SACS: variants seen among roughly 807,000 people sequenced by gnomAD.
SACS encodes the protein sacsin.
SACS carries 197 observed loss-of-function variants against 348.0 expected under a neutral mutation model. That is an observed-to-expected ratio of 0.57 (90% CI 0.50 to 0.64). SACS has a LOEUF of 0.64. Among genes scored for constraint, SACS ranks in the 30% least tolerant of loss-of-function variants. The pLI is 0.00. For missense variants in SACS, 4,999 were observed against 5,360.8 expected (o/e 0.93, Z 2.11); for synonymous variants, 1,985 against 1,910.6 (o/e 1.04, Z -1.02).
rs1883334416 is a variant in SACS at position 23,329,520 on chromosome 13, A to C, written c.*616T>G. 1 of 713,722 alleles carries C rather than the reference A, an allele frequency of 1.4e-6. No homozygotes were observed. The highest frequency in any genetic ancestry group is 2.6e-5 in the East Asian group (1 of 38,730). The allele number at this position is 713,722 out of a possible 1,614,324, so 44.2% of individuals were successfully genotyped here. A position where few individuals can be genotyped will look rare whatever the true frequency, so the allele number is the denominator to read the frequency against. The stretch of plus-strand genomic sequence containing the variant: ...AAGATGTTAAAAAAAAATTTAAATA[A>C]AGATGTAAAGTGCACTCAGTGCACT... On this transcript the variant is annotated 3_prime_UTR_variant, in exon 10 of 10. Transcript: ENST00000382292.
At position 23,334,113 on chromosome 13, in the gene SACS, C is replaced by G. The variant is rs1163408793; in HGVS notation, c.9763G>C (p.Val3255Leu). Residue 3255 changes from valine (V) to leucine (L), a missense_variant, in exon 10 of 10, where the codon GTA (valine) becomes CTA (leucine). By Grantham distance (32) the Val-to-Leu change is conservative. Around this residue, in one of 6 missense-constraint regions of SACS, gnomAD observed 734 missense variants for 694.0 expected, o/e 1.06. Coordinates refer to ENST00000382292, the MANE Select transcript of SACS (RefSeq NM_014363.6). Reference protein sequence around the residue: ...KNAWHFISESVSVKEDQEETK... With the variant: ...KNAWHFISESLSVKEDQEETK... Reference sequence around the variant, plus strand: ...TCTTCCTGATCTTCTTTCACACTTACAGATTCACTAATAAAATGCCATGCA... The same window carrying G: ...TCTTCCTGATCTTCTTTCACACTTAGAGATTCACTAATAAAATGCCATGCA... 3.1e-6 allele frequency: 5 copies of G among 1,613,808 alleles called. No homozygotes were observed. Among genetic ancestry groups the G allele is most frequent in the Non-Finnish European group, 4.2e-6 (5 of 1,179,792 alleles).
chr13:23,410,761 A>G (rs1873447857), intron 2 of SACS, among the ~76,000 whole-genome samples: 1 of 152,186 alleles, frequency 6.6e-6, no homozygotes, highest in Non-Finnish European at 1.5e-5. Flanking sequence ...TTTGAGAAAA[A>G]GAGCAAGCAT....
intron 1 of SACS, among the ~76,000 whole-genome samples, chr13:23,415,098 C>G (rs1467659889): frequency 6.6e-6 from 1 of 152,098 alleles, no homozygotes; most frequent in Non-Finnish European, 1.5e-5. Flanking sequence ...GTGGCACTAT[C>G]TTGGCTCACT....
Position 23,338,580 on chromosome 13 carries a change from C to T in SACS, c.5296G>A (p.Glu1766Lys). The T allele has an allele frequency of 6.2e-7, 1 of 1,614,056 alleles. No individual in the cohort carries two copies. Among genetic ancestry groups the T allele is most frequent in the Non-Finnish European group, 8.5e-7 (1 of 1,179,976 alleles). ...SSCILQITVE[E>K]FHHVFRRIAD... ...ATCCTTCTGAACACATGGTGAAATT[C>T]TTCCACTGTGATCTGAAGAATGCAA... The change falls in exon 10 of 10, where the codon GAA (glutamate) becomes AAA (lysine). Residue 1766 changes from glutamate to lysine, a missense_variant. Glu to Lys is a moderately conservative substitution (Grantham distance 56). This residue lies in a region of SACS where 3,156 missense variants were observed against 3,380.1 expected (regional missense o/e 0.93). Coordinates refer to ENST00000382292, the MANE Select transcript of SACS (RefSeq NM_014363.6).
Position 23,331,211 on chromosome 13 carries a change from C to T in SACS, c.12665G>A (p.Gly4222Glu), listed in dbSNP as rs774349752. Residue 4222 changes from glycine to glutamate, a missense_variant, in exon 10 of 10, where the codon GGA becomes GAA. This residue lies in a region of SACS where 831 missense variants were observed against 941.8 expected (regional missense o/e 0.88). Transcript: ENST00000382292. ...ACCAATATCTATCTGATATATCTTTCCTAGAAAACTAGAATTGTCAGCATC... is the reference window on the plus strand; with the variant it reads ...ACCAATATCTATCTGATATATCTTTTCTAGAAAACTAGAATTGTCAGCATC... The part of the protein sequence containing the change: ...REDADNSSFL[G>E]KIYQIDIGYS... 1.5e-5 allele frequency: 25 copies of T among 1,613,626 alleles called. No individual in the cohort carries two copies. The highest frequency in any genetic ancestry group is 2.7e-5 in the African/African-American group (2 of 74,866).
intron 2 of SACS, among the ~76,000 whole-genome samples, chr13:23,398,314 C>A (rs1466271716): frequency 6.6e-6 from 1 of 152,008 alleles, no homozygotes; most frequent in Non-Finnish European, 1.5e-5. Context: ...GGGCAGATCA[C>A]CTGAGGTCAG....
In SACS at chr13:23,333,014, A is replaced by G. The variant is rs1397997962; in HGVS notation, c.10862T>C (p.Leu3621Ser). 1 of 1,613,870 alleles carries G rather than the reference A, an allele frequency of 6.2e-7. No homozygotes were observed. Among genetic ancestry groups the G allele is most frequent in the Non-Finnish European group, 8.5e-7 (1 of 1,179,944 alleles). Residue 3621 changes from leucine to serine, a missense_variant, in exon 10 of 10, where the codon TTG becomes TCG. This residue lies in a region of SACS where 831 missense variants were observed against 941.8 expected (regional missense o/e 0.88). Transcript: ENST00000382292. ...CAGAAGGATATCAACTGTATTTTGC[A>G]ATGTTTCTTTGGACCAGTTTTCTGT... ...ANTENWSKETLQNTVDILLHH... is the reference protein window; with the variant it reads ...ANTENWSKETSQNTVDILLHH...
chr13:23,338,858 A>G lies in SACS; in HGVS notation c.5018T>C (p.Val1673Ala), dbSNP rs1399668983. 1.9e-6 allele frequency: 3 copies of G among 1,612,942 alleles called. No individual in the cohort carries two copies. Among genetic ancestry groups the G allele is most frequent in the Non-Finnish European group, 2.5e-6 (3 of 1,179,796 alleles). Residue 1673 changes from valine (V) to alanine (A), a missense_variant, in exon 10 of 10, where the codon GTG becomes GCG. Coordinates refer to ENST00000382292, the MANE Select transcript of SACS (RefSeq NM_014363.6). ...CYNTADIYSLVDEFSLCGHRL... is the reference protein window; with the variant it reads ...CYNTADIYSLADEFSLCGHRL... Reference sequence around the variant, plus strand: ...GTGTCCACAGAGACTAAATTCATCCACAAGAGAATAAATATCTGCTGTATT... The same window carrying G: ...GTGTCCACAGAGACTAAATTCATCCGCAAGAGAATAAATATCTGCTGTATT...
Position 23,339,464 on chromosome 13 carries a change from T to C in SACS, c.4412A>G (p.Tyr1471Cys). The C allele has an allele frequency of 6.2e-7, 1 of 1,606,358 alleles. No homozygotes were observed. The highest frequency in any genetic ancestry group is 1.7e-5 in the Admixed American group (1 of 59,054). Reference sequence around the variant, plus strand: ...TTTAAAAATATCTGACACTGAAGGGTATTCTTCCAGAATATTTTTAATTCT... The same window carrying C: ...TTTAAAAATATCTGACACTGAAGGGCATTCTTCCAGAATATTTTTAATTCT... Reference protein sequence around the residue: ...TVRIKNILEEYPSVSDIFKEL... With the variant: ...TVRIKNILEECPSVSDIFKEL... The change falls in exon 10 of 10, where the codon TAC becomes TGC. Residue 1471 changes from tyrosine to cysteine, a missense_variant. Physicochemically the swap from Tyr to Cys is radical, Grantham distance 194. Coordinates refer to ENST00000382292, the MANE Select transcript of SACS (RefSeq NM_014363.6).
rs774321536 is a variant in SACS at position 23,329,394 on chromosome 13, G to T, written c.*742C>A. 4.0e-5 allele frequency: 30 copies of T among 751,824 alleles called. No individual in the cohort carries two copies. The highest frequency in any genetic ancestry group is 7.1e-5 in the Non-Finnish European group (29 of 408,484). 46.6% of individuals were successfully genotyped at this position (751,824 alleles called of 1,614,324 possible). A position where few individuals can be genotyped will look rare whatever the true frequency, so the allele number is the denominator to read the frequency against. ...CTAACAGTTAATAAATGTTGTCTTG[G>T]CAAGCAGTTTCCAGAAACAATACTA... On this transcript the variant is annotated 3_prime_UTR_variant, in exon 10 of 10. Transcript: ENST00000382292.
At chr13:23,353,362 TG>T (rs926377503) in intron 9 of SACS, among the ~76,000 whole-genome samples, 4 of 152,202 alleles carry the variant, frequency 2.6e-5, no homozygotes, top group African/African-American at 9.7e-5. Flanking sequence ...ACAGGGCAAG[TG>T]GAAGACCTGA....
rs118145558 is a variant in SACS at position 23,392,167 on chromosome 13, A to G, written c.21-16898T>C. Among the ~76,000 whole-genome samples the G allele has an allele frequency of 3.3e-5, 5 of 152,264 alleles. No homozygotes were observed. In the East Asian group the frequency reaches 9.6e-4, roughly 29 times the overall value. On this transcript the variant is annotated intron_variant, in intron 2 of 9. Transcript: ENST00000382292. Reference sequence around the variant, plus strand: ...GTTGCCTTTTGATGACTCTTTTCCTAAAGATACTGTGTGGTACTCATCAGG... The same window carrying G: ...GTTGCCTTTTGATGACTCTTTTCCTGAAGATACTGTGTGGTACTCATCAGG...
intron 1 of SACS, among the ~76,000 whole-genome samples, chr13:23,412,985 T>C (rs138170104): frequency 3.9e-5 from 6 of 152,306 alleles, no homozygotes; most frequent in African/African-American, 1.4e-4. Context: ...AAACTTTTTT[T>C]TTGTTTTTTG....
intron 2 of SACS, among the ~76,000 whole-genome samples, chr13:23,405,881 G>T (rs1337560286): frequency 6.6e-6 from 1 of 152,140 alleles, no homozygotes; most frequent in Non-Finnish European, 1.5e-5. Flanking sequence ...TAAAAAGTCA[G>T]GAAACAACAG....
rs537725928 is a variant in SACS, at chr13:23,331,041, G to C, written c.12835C>G (p.Leu4279Val). 38 of 1,614,014 alleles carry C rather than the reference G, an allele frequency of 2.4e-5. No homozygotes were observed. The South Asian group carries it at 3.4e-4, about 14-fold the overall frequency. Residue 4279 changes from leucine (L) to valine (V), a missense_variant, in exon 10 of 10, where the codon CTT becomes GTT. By Grantham distance (32) the Leu-to-Val change is conservative. Around this residue, in one of 6 missense-constraint regions of SACS, gnomAD observed 831 missense variants for 941.8 expected, o/e 0.88. Coordinates refer to ENST00000382292, the MANE Select transcript of SACS (RefSeq NM_014363.6). ...LTPGLRSIPP[L>V]FSGRESHKTS... Reference sequence around the variant, plus strand: ...TTGTGGCTCTCTCTACCAGAGAAAAGAGGAGGAATGCTTCTCAGGCCAGGG... The same window carrying C: ...TTGTGGCTCTCTCTACCAGAGAAAACAGGAGGAATGCTTCTCAGGCCAGGG...
In SACS at chr13:23,336,673, A is replaced by G. The variant is rs1400244997; in HGVS notation, c.7203T>C (p.Ala2401=). 4.3e-6 allele frequency: 7 copies of G among 1,613,792 alleles called. No individual in the cohort carries two copies. The highest frequency in any genetic ancestry group is 2.2e-5 in the East Asian group (1 of 44,886). ...CTTGATCAATAGATTCCAAAACAAG[A>G]GCAAAATCTTCAACAGTGCATGACT... is the stretch of plus-strand genomic sequence containing the variant. ...VRQSCTVEDF[A]LVLESIDQER... is the part of the protein sequence containing the mutation. Residue 2401 remains alanine, a synonymous_variant, in exon 10 of 10, where the codon GCT becomes GCC. Transcript: ENST00000382292.
In SACS at chr13:23,333,799, T is replaced by C; in HGVS notation, c.10077A>G (p.Thr3359=). ...SCHTANIESP[T]SILKALHYMV... ...TATAATGTAGAGCCTTCAAGATGCT[T>C]GTGGGGCTCTCTATATTTGCTGTGT... The change falls in exon 10 of 10, where the codon ACA becomes ACG. Residue 3359 remains threonine, a synonymous_variant. Coordinates refer to ENST00000382292, the MANE Select transcript of SACS (RefSeq NM_014363.6). 6.2e-7 allele frequency: 1 copy of C among 1,613,866 alleles called. No homozygotes were observed. The highest frequency in any genetic ancestry group is 8.5e-7 in the Non-Finnish European group (1 of 1,179,830).
At chr13:23,345,541 A>T (rs1469044419) in intron 9 of SACS, among the ~76,000 whole-genome samples, 1 of 152,198 alleles carries the variant, frequency 6.6e-6, no homozygotes, top group African/African-American at 2.4e-5. Context: ...ATGTAACCAG[A>T]CAGTACCAGG....
chr13:23,421,693 G>A (rs1873948068), intron 1 of SACS, among the ~76,000 whole-genome samples: 1 of 151,444 alleles, frequency 6.6e-6, no homozygotes, highest in African/African-American at 2.4e-5. Flanking sequence ...GGGGACTGAT[G>A]TCCACATGGG....
Sources: gnomAD v4.1 joint callset for allele counts (sites outside exome capture counted in the v4.1 genomes callset) on GRCh38, gnomAD v4.1.1 for gene constraint, gnomAD v4.1.1 regional missense constraint, MANE v1.5 for transcripts, NCBI Gene and HGNC (gene_info 2026-07-23, HGNC 2026-07-21) for gene names.